The following PCCA variants were observed in gnomAD, a reference collection of about 807,000 sequenced individuals.
The protein encoded by PCCA is propionyl-CoA carboxylase subunit alpha, also known as propionyl-CoA carboxylase alpha chain, mitochondrial.
PCCA carries 74 observed loss-of-function variants against 101.3 expected under a neutral mutation model. That is an observed-to-expected ratio of 0.73 (90% CI 0.61 to 0.89). The LOEUF is 0.89. Ranked by LOEUF, PCCA falls within the 40% of genes least tolerant of loss-of-function variation. The probability of loss-of-function intolerance (pLI) is 0.00; values close to 1 mark genes in which losing one functional copy is unlikely to be tolerated. For missense variants in PCCA, 891 were observed against 907.0 expected, an observed-to-expected ratio of 0.98 and a Z score of 0.23; for synonymous variants, 294 against 313.6, an observed-to-expected ratio of 0.94 and a Z score of 0.66.
chr13:100,232,382 GT>G (rs2060543170), intron 7 of PCCA, among the ~76,000 whole-genome samples: 7 of 151,220 alleles, frequency 4.6e-5, no homozygotes, highest in South Asian at 2.1e-4. Flanking sequence ...GTGTGTGTGT[GT>G]GTGTGTGTGG....
chr13:100,465,622 C>G (rs1301221115), intron 21 of PCCA, among the ~76,000 whole-genome samples: 1 of 152,180 alleles, frequency 6.6e-6, no homozygotes, highest in Non-Finnish European at 1.5e-5. Flanking sequence ...ACATTTTGGA[C>G]AATTCTCTGT....
At chr13:100,100,364 A>G (rs925102462) in intron 1 of PCCA, among the ~76,000 whole-genome samples, 1 of 151,726 alleles carries the variant, frequency 6.6e-6, no homozygotes, top group African/African-American at 2.4e-5. Context: ...GCACACGCTG[A>G]CCTCTCTCAT....
chr13:100,142,369 G>A (rs941338425), intron 4 of PCCA, among the ~76,000 whole-genome samples: 3 of 151,980 alleles, frequency 2.0e-5, no homozygotes, highest in Non-Finnish European at 4.4e-5. Context: ...CTGCTGCCAG[G>A]TAGGGTGTCT....
intron 7 of PCCA, among the ~76,000 whole-genome samples, chr13:100,234,926 CCA>C (rs886940232): frequency 2.8e-5 from 4 of 145,394 alleles, no homozygotes; most frequent in Admixed American, 2.0e-4. Flanking sequence ...CCACACATAC[CCA>C]CACACACGAA....
intron 8 of PCCA, among the ~76,000 whole-genome samples, chr13:100,245,095 A>C (rs1054453054): frequency 6.6e-6 from 1 of 152,138 alleles, no homozygotes; most frequent in African/African-American, 2.4e-5. Flanking sequence ...TGCCAACTCG[A>C]ATGATACTCC....
intron 21 of PCCA, among the ~76,000 whole-genome samples, chr13:100,455,403 T>C (rs1359979662): frequency 6.6e-6 from 1 of 152,252 alleles, no homozygotes; most frequent in Non-Finnish European, 1.5e-5. Flanking sequence ...TTCCCACATT[T>C]ATATCCCTAA....
chr13:100,437,927 C>G (rs906497071), intron 20 of PCCA, among the ~76,000 whole-genome samples: 1 of 152,132 alleles, frequency 6.6e-6, no homozygotes, highest in African/African-American at 2.4e-5. Flanking sequence ...GCCTCAGCCT[C>G]CCAAAGTGCT....
intron 18 of PCCA, among the ~76,000 whole-genome samples, chr13:100,346,751 GA>G (rs2072290507): frequency 6.6e-6 from 1 of 152,154 alleles, no homozygotes; most frequent in Non-Finnish European, 1.5e-5. Flanking sequence ...CTTATTTTAA[GA>G]AACTGCCGCA....
intron 1 of PCCA, among the ~76,000 whole-genome samples, chr13:100,100,911 C>T (rs748205276): frequency 2.2e-4 from 34 of 152,044 alleles, no homozygotes; most frequent in Non-Finnish European, 4.6e-4. Flanking sequence ...TCAAGCGATT[C>T]TCCTGCCTCA....
intron 19 of PCCA, among the ~76,000 whole-genome samples, chr13:100,371,419 A>C (rs563158717): frequency 6.6e-6 from 1 of 152,324 alleles, no homozygotes; most frequent in East Asian, 1.9e-4. Flanking sequence ...AAAAGACACA[A>C]ATATATGGAA....
chr13:100,494,664 CAA>C (rs1181768308), intron 21 of PCCA, among the ~76,000 whole-genome samples: 4 of 135,856 alleles, frequency 2.9e-5, no homozygotes, highest in Non-Finnish European at 3.1e-5. Context: ...GCCTGGGCAA[CAA>C]GAGCAAAACT....
intron 21 of PCCA, among the ~76,000 whole-genome samples, chr13:100,514,520 G>A (rs1316401943): frequency 6.6e-6 from 1 of 152,178 alleles, no homozygotes; most frequent in African/African-American, 2.4e-5. Context: ...TTCGGGTGGT[G>A]GTTCCAATTT....
chr13:100,367,203 T>C (rs924198108), intron 18 of PCCA, among the ~76,000 whole-genome samples: 2 of 152,230 alleles, frequency 1.3e-5, no homozygotes, highest in Non-Finnish European at 1.5e-5. Context: ...GAAACATTTA[T>C]ATTCTAAAAA....
chr13:100,439,437 T>C (rs1226630507), intron 20 of PCCA, among the ~76,000 whole-genome samples: 1 of 152,180 alleles, frequency 6.6e-6, no homozygotes, highest in Non-Finnish European at 1.5e-5. Flanking sequence ...GTCCTGGCCA[T>C]GGTGAGCTCA....
chr13:100,235,770 A>C (rs1057507811), intron 7 of PCCA, 72 bp from the exon 8 acceptor site: 35 of 966,592 alleles, frequency 3.6e-5, no homozygotes, highest in Admixed American at 1.0e-4. Context: ...GTAGTGCAAT[A>C]TATGACTGCC....
intron 18 of PCCA, among the ~76,000 whole-genome samples, chr13:100,359,565 A>T (rs188637028): frequency 7.3e-4 from 111 of 152,334 alleles, no homozygotes; most frequent in Non-Finnish European, 1.4e-3. Context: ...TTAAAGTTCC[A>T]CTTAACATAG....
intron 21 of PCCA, among the ~76,000 whole-genome samples, chr13:100,478,004 C>A (rs543786577): frequency 1.3e-5 from 2 of 152,212 alleles, no homozygotes. Flanking sequence ...CTGGATGTGG[C>A]GAGCTCGAGC....
intron 21 of PCCA, among the ~76,000 whole-genome samples, chr13:100,456,660 G>T (rs936581526): frequency 3.3e-5 from 5 of 152,314 alleles, no homozygotes; most frequent in Non-Finnish European, 5.9e-5. Flanking sequence ...GAAGCTGAGA[G>T]AGAGAAGGCA....
intron 22 of PCCA, among the ~76,000 whole-genome samples, chr13:100,521,559 G>A (rs567216626): frequency 6.6e-6 from 1 of 152,228 alleles, no homozygotes; most frequent in South Asian, 2.1e-4. Flanking sequence ...GTGAATACAC[G>A]TTTCTTCTTC....
Sources: gnomAD v4.1 joint callset for allele counts (sites outside exome capture counted in the v4.1 genomes callset) on GRCh38, gnomAD v4.1.1 for gene constraint, MANE v1.5 for transcripts, NCBI Gene and HGNC (gene_info 2026-07-23, HGNC 2026-07-21) for gene names.